Variants in ECHDC1 observed in about 807,000 individuals in gnomAD.
The protein encoded by ECHDC1 is ethylmalonyl-CoA decarboxylase 1, also known as ethylmalonyl-CoA decarboxylase.
A neutral mutation model predicts 29.7 loss-of-function variants in ECHDC1; 29 were observed. The observed-to-expected ratio is 0.98, with a 90% CI of 0.73 to 1.33. The LOEUF is 1.33. Ranked by LOEUF, ECHDC1 falls within the 40% of genes most tolerant of loss-of-function variation. ECHDC1 has a pLI of 0.00. For synonymous variants in ECHDC1, 126 were observed against 123.1 expected (o/e 1.02, Z -0.15); for missense variants, 328 against 350.0 (o/e 0.94, Z 0.50).
At chr6:127,306,195 TAAG>T (rs554305840) in intron 5 of ECHDC1, among the ~76,000 whole-genome samples, 79 of 152,180 alleles carry the variant, frequency 5.2e-4, no homozygotes, top group Non-Finnish European at 9.7e-4. Flanking sequence ...CAAAAATTGT[TAAG>T]AAGAGATGAA....
intron 3 of ECHDC1, among the ~76,000 whole-genome samples, chr6:127,319,826 T>G (rs796962654): frequency 8.3e-4 from 126 of 152,230 alleles, no homozygotes; most frequent in African/African-American, 2.9e-3. Flanking sequence ...AAAACAAGGA[T>G]AAGAAGAACA....
At chr6:127,331,759 C>A (rs1583005897) in intron 1 of ECHDC1, 3 of 892,108 alleles carry the variant, frequency 3.4e-6, no homozygotes, top group South Asian at 1.0e-4. Context: ...TTGGAAACAG[C>A]CTCTATGCAG....
chr6:127,326,368 A>G, intron 3 of ECHDC1: 1 of 236,984 alleles, frequency 4.2e-6, no homozygotes, highest in Non-Finnish European at 9.2e-6. Flanking sequence ...TGCTTCCTGT[A>G]TAGCGTGCAG....
At chr6:127,315,643 A>G in intron 4 of ECHDC1, 1 of 267,510 alleles carries the variant, frequency 3.7e-6, no homozygotes, top group Non-Finnish European at 7.4e-6. Context: ...GGATTATTTA[A>G]AAAAATAATA....
At chr6:127,327,236 T>A in intron 2 of ECHDC1, 92 bp from the exon 3 acceptor site, 1 of 1,362,084 alleles carries the variant, frequency 7.3e-7, no homozygotes, top group East Asian at 2.4e-5. Context: ...AGCATACTCT[T>A]AGGTCCTATA....
rs1348321388 is a variant in ECHDC1, at chr6:127,327,116, T to A, written c.249A>T (p.Lys83Asn). 1.9e-6 allele frequency: 3 copies of A among 1,613,810 alleles called. No homozygotes were observed. The highest frequency in any genetic ancestry group is 1.1e-5 in the South Asian group (1 of 91,052). ...SGVMMLQLLE[K>N]VIELENWTEG... ...CTGTCCAATTTTCCAATTCAATTACTTTTTCCAGAAGTTGTAGCATCATAA... is the reference window on the plus strand; with the variant it reads ...CTGTCCAATTTTCCAATTCAATTACATTTTCCAGAAGTTGTAGCATCATAA... Residue 83 changes from lysine to asparagine, a missense_variant, in exon 3 of 6, where the codon AAA becomes AAT. Transcript: ENST00000454859.
intron 2 of ECHDC1, among the ~76,000 whole-genome samples, chr6:127,330,546 T>C (rs2114680665): frequency 6.6e-6 from 1 of 152,330 alleles, no homozygotes; most frequent in South Asian, 2.1e-4. Flanking sequence ...GTGGAAAATA[T>C]AATCAAGATT....
intron 1 of ECHDC1, chr6:127,331,819 ATTATTC>A (rs1783983270): frequency 1.0e-6 from 1 of 985,068 alleles, no homozygotes; most frequent in Admixed American, 6.2e-5. Context: ...TATTCTTAGC[ATTATTC>A]TTACCTTCTG....
intron 1 of ECHDC1, among the ~76,000 whole-genome samples, chr6:127,334,434 A>G (rs1784253773): frequency 6.6e-6 from 1 of 152,140 alleles, no homozygotes; most frequent in South Asian, 2.1e-4. Context: ...TTCAAACTTC[A>G]TTACATATAA....
intron 5 of ECHDC1, among the ~76,000 whole-genome samples, chr6:127,311,669 C>CAAAAAAAAAAAAAAAAAAAAAAAAA (rs71272311): frequency 2.0e-4 from 5 of 25,036 alleles, no homozygotes; most frequent in Non-Finnish European, 6.3e-4. Context: ...GGCTCTGTCT[C>CAAAAAAAAAAAAAAAAAAAAAAAAA]AAAAAAAAAA....
intron 5 of ECHDC1, among the ~76,000 whole-genome samples, chr6:127,311,151 A>G (rs1341046797): frequency 6.6e-6 from 1 of 152,152 alleles, no homozygotes; most frequent in Non-Finnish European, 1.5e-5. Flanking sequence ...CAAACCTGTG[A>G]TATCTATGAA....
chr6:127,303,106 T>C (rs184427755), intron 5 of ECHDC1, among the ~76,000 whole-genome samples: 31 of 152,216 alleles, frequency 2.0e-4, no homozygotes, highest in African/African-American at 7.5e-4. Context: ...AACTGATGAA[T>C]TGAAACCTGA....
chr6:127,323,494 A>G lies in ECHDC1; in HGVS notation c.363+3508T>C, dbSNP rs145789128. 7.9e-3 allele frequency among the ~76,000 whole-genome samples: 1,199 copies of G among 152,280 alleles called. 17 individuals are homozygous for G. The highest frequency in any genetic ancestry group is 0.054 in the South Asian group (260 of 4,828). On this transcript the variant is annotated intron_variant, in intron 3 of 5. Coordinates refer to ENST00000454859, the MANE Select transcript of ECHDC1 (RefSeq NM_001002030.2). The stretch of plus-strand genomic sequence containing the variant: ...AGCTACCTTTTTCAGATACGGTGCT[A>G]GTAGGCACTTTATATATATTATCTT...
chr6:127,312,200 T>C (rs1782001463), intron 5 of ECHDC1, among the ~76,000 whole-genome samples: 1 of 152,130 alleles, frequency 6.6e-6, no homozygotes, highest in Non-Finnish European at 1.5e-5. Flanking sequence ...TCCCAAGGAA[T>C]TTTATACAGA....
intron 4 of ECHDC1, chr6:127,315,799 C>T (rs1582968445): frequency 2.6e-6 from 1 of 387,206 alleles, no homozygotes; most frequent in Admixed American, 3.5e-5. Flanking sequence ...ACCAAAAATA[C>T]AGTAATGTCC....
At chr6:127,301,221 C>T (rs1222515630) in intron 5 of ECHDC1, among the ~76,000 whole-genome samples, 1 of 152,184 alleles carries the variant, frequency 6.6e-6, no homozygotes, top group African/African-American at 2.4e-5. Flanking sequence ...GTGTTTCCGA[C>T]ATACGTATAC....
intron 4 of ECHDC1, chr6:127,315,571 T>C (rs899842436): frequency 2.2e-5 from 5 of 223,684 alleles, no homozygotes; most frequent in Middle Eastern, 3.7e-3. Flanking sequence ...TGACCTACAA[T>C]GCAAAGGTGC....
chr6:127,321,033 G>T lies in ECHDC1; in HGVS notation c.364-4531C>A, dbSNP rs187319223. On this transcript the variant is annotated intron_variant, in intron 3 of 5. Coordinates refer to ENST00000454859, the MANE Select transcript of ECHDC1 (RefSeq NM_001002030.2). ...ATTTTGTAGTTTACATTAATAAAAA[G>T]CTTTTTAAAACTGAAAAAATACAGT... Among the ~76,000 whole-genome samples, 159 of 152,088 alleles carry T rather than the reference G, an allele frequency of 1.0e-3. 2 individuals are homozygous for T. Among genetic ancestry groups the T allele is most frequent in the Admixed American group, 8.8e-3 (134 of 15,246 alleles).
chr6:127,340,831 A>G (rs1313484290), intron 1 of ECHDC1, among the ~76,000 whole-genome samples: 1 of 152,124 alleles, frequency 6.6e-6, no homozygotes, highest in Non-Finnish European at 1.5e-5. Context: ...AGGGACTTAT[A>G]AAAGCATTAG....
Sources: allele counts gnomAD v4.1 joint callset (sites outside exome capture counted in the v4.1 genomes callset), GRCh38; gene constraint gnomAD v4.1.1; transcripts MANE v1.5; gene names NCBI Gene and HGNC (gene_info 2026-07-23, HGNC 2026-07-21).